Variants in RIT2 observed in about 807,000 individuals in gnomAD.
RIT2 encodes GTP-binding protein Rit2.
Under a neutral mutation model 23.7 loss-of-function variants are expected in RIT2, and 24 were observed. The ratio of observed to expected loss-of-function variants is 1.01; its 90% confidence interval spans 0.73 to 1.43. RIT2 has a LOEUF of 1.43. Ranked by LOEUF, RIT2 falls within the 40% of genes most tolerant of loss-of-function variation. RIT2 has a pLI of 0.00. For missense variants in RIT2, 236 were observed against 266.9 expected, an observed-to-expected ratio of 0.88 and a Z score of 0.81; for synonymous variants, 107 against 91.1, an observed-to-expected ratio of 1.17 and a Z score of -0.99.
At chr18:42,962,555 A>C (rs1409581412) in intron 3 of RIT2, among the ~76,000 whole-genome samples, 1 of 152,198 alleles carries the variant, frequency 6.6e-6, no homozygotes, top group Non-Finnish European at 1.5e-5. Context: ...TTAGGGAATG[A>C]AAGTGTGTTT....
chr18:42,972,196 C>T (rs1161598208), intron 3 of RIT2, among the ~76,000 whole-genome samples: 2 of 151,884 alleles, frequency 1.3e-5, no homozygotes, highest in Admixed American at 6.6e-5. Context: ...AAAACAAGTA[C>T]ACTTCCTCTT....
In RIT2 at chr18:43,061,468, C is replaced by T. The variant is rs370370165; in HGVS notation, c.104-27601G>A. The stretch of plus-strand genomic sequence containing the variant: ...GATAGCAAGAGGAGACAGACAAATT[C>T]CTAGGCAGACAGGGACAGGTCCCCT... On this transcript the variant is annotated intron_variant, in intron 1 of 4. Transcript: ENST00000326695. Among the ~76,000 whole-genome samples, 527 of 152,176 alleles carry T rather than the reference C, an allele frequency of 3.5e-3. 2 individuals are homozygous for T. Among genetic ancestry groups the T allele is most frequent in the African/African-American group, 0.012 (492 of 41,530 alleles).
chr18:42,852,581 T>C (rs1174257132), intron 4 of RIT2, among the ~76,000 whole-genome samples: 1 of 152,186 alleles, frequency 6.6e-6, no homozygotes, highest in Non-Finnish European at 1.5e-5. Context: ...GAGTCAAAAC[T>C]AAATGGAAGT....
At chr18:42,789,679 T>C (rs967639184) in intron 4 of RIT2, among the ~76,000 whole-genome samples, 19 of 152,188 alleles carry the variant, frequency 1.2e-4, no homozygotes, top group African/African-American at 4.6e-4. Context: ...TAATTTTTTA[T>C]CCTAAAATTT....
intron 2 of RIT2, among the ~76,000 whole-genome samples, chr18:42,993,960 A>G (rs2144232015): frequency 6.6e-6 from 1 of 151,948 alleles, no homozygotes; most frequent in African/African-American, 2.4e-5. Flanking sequence ...TCTCCTTACA[A>G]TTCCCCCATT....
At chr18:43,052,915 A>C (rs1912417301) in intron 1 of RIT2, among the ~76,000 whole-genome samples, 1 of 152,076 alleles carries the variant, frequency 6.6e-6, no homozygotes. Flanking sequence ...GGCACATTGC[A>C]TATTTTTTTC....
intron 2 of RIT2, among the ~76,000 whole-genome samples, chr18:42,976,810 A>T (rs143254874): frequency 4.1e-4 from 62 of 152,222 alleles, no homozygotes; most frequent in African/African-American, 1.5e-3. Flanking sequence ...GACTAGAGGC[A>T]CAGAAAGAAG....
chr18:43,098,117 A>G, intron 1 of RIT2, among the ~76,000 whole-genome samples: 1 of 151,924 alleles, frequency 6.6e-6, no homozygotes. Context: ...CTCAAATTGA[A>G]CAAAATACTG....
intron 1 of RIT2, among the ~76,000 whole-genome samples, chr18:43,107,195 A>G (rs988130773): frequency 7.2e-5 from 11 of 152,186 alleles, no homozygotes; most frequent in African/African-American, 2.7e-4. Flanking sequence ...CTAGAAAGTC[A>G]GGAGACTCTA....
chr18:43,019,741 G>A (rs914725831), intron 2 of RIT2, among the ~76,000 whole-genome samples: 1 of 151,878 alleles, frequency 6.6e-6, no homozygotes, highest in Non-Finnish European at 1.5e-5. Context: ...TCAGTAAGTC[G>A]AATTACCCCT....
intron 4 of RIT2, among the ~76,000 whole-genome samples, chr18:42,748,236 C>A (rs569492619): frequency 2.0e-5 from 3 of 151,224 alleles, no homozygotes; most frequent in Admixed American, 1.3e-4. Flanking sequence ...GAAAGAAATC[C>A]GCAAGAAAAA....
At chr18:42,834,687 T>C (rs1906550593) in intron 4 of RIT2, among the ~76,000 whole-genome samples, 1 of 152,154 alleles carries the variant, frequency 6.6e-6, no homozygotes, top group African/African-American at 2.4e-5. Flanking sequence ...TAGAATTACA[T>C]GAATAAATGT....
chr18:43,057,051 G>A (rs1222063281), intron 1 of RIT2, among the ~76,000 whole-genome samples: 1 of 116,914 alleles, frequency 8.6e-6, no homozygotes. Context: ...CCATTAGTCG[G>A]GCGGGGGGTG....
chr18:42,960,440 G>A (rs1389110670), intron 3 of RIT2, among the ~76,000 whole-genome samples: 3 of 152,116 alleles, frequency 2.0e-5, no homozygotes, highest in African/African-American at 7.2e-5. Flanking sequence ...TCTGCCTCCT[G>A]AGTAGCTGGG....
At chr18:42,771,912 T>C (rs1197536336) in intron 4 of RIT2, among the ~76,000 whole-genome samples, 1 of 152,122 alleles carries the variant, frequency 6.6e-6, no homozygotes, top group Non-Finnish European at 1.5e-5. Flanking sequence ...TGGCTGTCAG[T>C]CCATGTATGA....
At chr18:42,882,578 A>C (rs1379955751) in intron 4 of RIT2, among the ~76,000 whole-genome samples, 1 of 152,208 alleles carries the variant, frequency 6.6e-6, no homozygotes. Flanking sequence ...AAAGAGGTGA[A>C]TTTTTCATGT....
chr18:42,805,117 A>G (rs1905647675), intron 4 of RIT2, among the ~76,000 whole-genome samples: 1 of 152,230 alleles, frequency 6.6e-6, no homozygotes, highest in Admixed American at 6.5e-5. Flanking sequence ...ATTGACTTTT[A>G]CCATATTAAA....
At chr18:43,091,541 A>G (rs1307403152) in intron 1 of RIT2, among the ~76,000 whole-genome samples, 2 of 152,078 alleles carry the variant, frequency 1.3e-5, no homozygotes, top group African/African-American at 4.8e-5. Flanking sequence ...CATAAGCAGC[A>G]TGTCATGATT....
chr18:42,828,580 G>A (rs1273139556), intron 4 of RIT2, among the ~76,000 whole-genome samples: 2 of 152,170 alleles, frequency 1.3e-5, no homozygotes, highest in Admixed American at 6.5e-5. Context: ...GTTAATATAA[G>A]AGAATCAGTC....
Sources: allele counts gnomAD v4.1 joint callset (sites outside exome capture counted in the v4.1 genomes callset), GRCh38; gene constraint gnomAD v4.1.1; transcripts MANE v1.5; gene names NCBI Gene and HGNC (gene_info 2026-07-23, HGNC 2026-07-21).